PAPPA: variants seen among roughly 807,000 people sequenced by gnomAD.
PAPPA encodes pappalysin-1.
In PAPPA, 60 loss-of-function variants were observed where a neutral mutation model predicts 164.0. The ratio of observed to expected loss-of-function variants is 0.37; its 90% CI spans 0.30 to 0.45. PAPPA has a LOEUF of 0.45. Ranked by LOEUF, PAPPA falls within the 20% of genes least tolerant of loss-of-function variation. PAPPA has a pLI of 1.00. For synonymous variants in PAPPA, 875 were observed against 814.1 expected (o/e 1.07, Z -1.27); for missense variants, 1,782 against 2,087.3 (o/e 0.85, Z 2.85).
chr9:116,352,035 C>T (rs1057347673), intron 15 of PAPPA, among the ~76,000 whole-genome samples: 5 of 152,200 alleles, frequency 3.3e-5, no homozygotes, highest in African/African-American at 9.6e-5. Context: ...TTATTTGCAA[C>T]GTTCCCCATC....
rs977896698 is a variant in PAPPA at position 116,266,097 on chromosome 9, G to A, written c.2861+112G>A. The A allele has an allele frequency of 3.4e-6, 3 of 880,344 alleles. No homozygotes were observed. In the Admixed American group the frequency reaches 8.5e-5, roughly 25 times the overall value. The allele number at this position is 880,344 out of a possible 1,614,324, so 54.5% of individuals were successfully genotyped here. A position where few individuals can be genotyped will look rare whatever the true frequency, so the allele number is the denominator to read the frequency against. On this transcript the variant is annotated intron_variant, in intron 8 of 21. Coordinates refer to ENST00000328252, the MANE Select transcript of PAPPA (RefSeq NM_002581.5). Reference sequence around the variant, plus strand: ...ATATTCTTCAGTGCATGAGCTGTGAGCTACTAGTGGTCCCCAGCAGTCTCT... The same window carrying A: ...ATATTCTTCAGTGCATGAGCTGTGAACTACTAGTGGTCCCCAGCAGTCTCT...
Position 116,235,159 on chromosome 9 carries a change from C to T in PAPPA, c.2254C>T (p.Pro752Ser), listed in dbSNP as rs1457225088. The T allele has an allele frequency of 3.7e-6, 6 of 1,614,008 alleles. No individual in the cohort carries two copies. Among genetic ancestry groups the T allele is most frequent in the Non-Finnish European group, 5.1e-6 (6 of 1,179,996 alleles). The change falls in exon 7 of 22, where the codon CCC becomes TCC. Residue 752 changes from proline to serine, a missense_variant. By Grantham distance (74) the Pro-to-Ser change is moderately conservative (BLOSUM62 -1). Transcript: ENST00000328252. ...EAEGHPDVEQ[P>S]CKSSVRTWSP... ...CATAGGTCATCCTGATGTTGAACAGCCCTGTAAGTCCAGTGTCCGCACCTG... is the reference window on the plus strand; with the variant it reads ...CATAGGTCATCCTGATGTTGAACAGTCCTGTAAGTCCAGTGTCCGCACCTG...
At chr9:116,384,010 C>A (rs920586995) in intron 21 of PAPPA, among the ~76,000 whole-genome samples, 3 of 151,936 alleles carry the variant, frequency 2.0e-5, no homozygotes, top group African/African-American at 7.2e-5. Flanking sequence ...GTATTTTATT[C>A]TGTGAATTTT....
chr9:116,301,316 A>G (rs1845576856), intron 9 of PAPPA, among the ~76,000 whole-genome samples: 1 of 152,192 alleles, frequency 6.6e-6, no homozygotes, highest in African/African-American at 2.4e-5. Flanking sequence ...CTATATTTCA[A>G]GGAGCTCAGA....
intron 9 of PAPPA, among the ~76,000 whole-genome samples, chr9:116,296,365 C>T (rs992696681): frequency 7.2e-5 from 11 of 152,146 alleles, no homozygotes; most frequent in African/African-American, 2.4e-4. Flanking sequence ...AAAGATAAAT[C>T]CGTTGTTACC....
chr9:116,211,687 A>C lies in PAPPA; in HGVS notation c.1673A>C (p.His558Pro). ...PSFYGMPGHT[H>P]TMIHEIGHSL... ...TTCTATGGCATGCCTGGGCACACCC[A>C]CACCATGATCCATGAGATTGGTCAC... Residue 558 changes from histidine to proline, a missense_variant, in exon 4 of 22, where the codon CAC becomes CCC. His to Pro is a moderately conservative substitution (Grantham distance 77). Coordinates refer to ENST00000328252, the MANE Select transcript of PAPPA (RefSeq NM_002581.5). 6.2e-7 allele frequency: 1 copy of C among 1,614,108 alleles called. No homozygotes were observed. Among genetic ancestry groups the C allele is most frequent in the Non-Finnish European group, 8.5e-7 (1 of 1,180,004 alleles).
Position 116,401,282 on chromosome 9 carries a change from A to C in PAPPA, c.*4666A>C, listed in dbSNP as rs1847050375. The C allele has an allele frequency of 6.6e-6, 1 of 152,540 alleles. No individual in the cohort carries two copies. The allele number at this position is 152,540 out of a possible 1,614,324, so 9.4% of individuals were successfully genotyped here. ...TGTCGTCTACTTAAGACTTCTGGTC[A>C]TTTCCAACTTATAGAGGAAGGGAGT... On this transcript the variant is annotated 3_prime_UTR_variant, in exon 22 of 22. Transcript: ENST00000328252.
At chr9:116,261,515 G>A (rs1228584738) in intron 7 of PAPPA, among the ~76,000 whole-genome samples, 1 of 152,132 alleles carries the variant, frequency 6.6e-6, no homozygotes, top group South Asian at 2.1e-4. Flanking sequence ...ACAGACCCCC[G>A]CAAAATCACA....
intron 7 of PAPPA, among the ~76,000 whole-genome samples, chr9:116,236,324 C>T (rs1844665532): frequency 6.6e-6 from 1 of 152,072 alleles, no homozygotes; most frequent in African/African-American, 2.4e-5. Context: ...GTGGCTCACT[C>T]CTGTAATCTC....
intron 2 of PAPPA, among the ~76,000 whole-genome samples, chr9:116,202,103 C>G (rs935541504): frequency 6.6e-6 from 1 of 152,234 alleles, no homozygotes; most frequent in Non-Finnish European, 1.5e-5. Flanking sequence ...TCTGGGCTCA[C>G]TGTAAGCTGT....
chr9:116,303,612 A>G (rs1457702776), intron 10 of PAPPA, among the ~76,000 whole-genome samples: 1 of 152,062 alleles, frequency 6.6e-6, no homozygotes, highest in Admixed American at 6.5e-5. Flanking sequence ...TTATCCTACC[A>G]AGGAAGCACC....
intron 1 of PAPPA, among the ~76,000 whole-genome samples, chr9:116,168,196 A>C (rs1843736920): frequency 6.6e-6 from 1 of 152,196 alleles, no homozygotes; most frequent in African/African-American, 2.4e-5. Context: ...ATTCAATGAG[A>C]AATGAAAGTT....
At chr9:116,239,085 T>C (rs1844707293) in intron 7 of PAPPA, among the ~76,000 whole-genome samples, 2 of 152,234 alleles carry the variant, frequency 1.3e-5, no homozygotes, top group South Asian at 4.1e-4. Context: ...ACCTTTGTCT[T>C]CATTTTTTTT....
chr9:116,372,539 G>A (rs535136868), intron 19 of PAPPA, among the ~76,000 whole-genome samples: 4 of 152,202 alleles, frequency 2.6e-5, no homozygotes, highest in African/African-American at 9.6e-5. Flanking sequence ...TAGAATTCTG[G>A]GGTGGCAGCC....
chr9:116,165,722 C>CT (rs1339030596), intron 1 of PAPPA, among the ~76,000 whole-genome samples: 7 of 152,130 alleles, frequency 4.6e-5, no homozygotes, highest in Admixed American at 3.9e-4. Flanking sequence ...TTAATTATCA[C>CT]TTTTTTTACT....
At position 116,400,670 on chromosome 9, in the gene PAPPA, A is replaced by G. The variant is rs1423930924; in HGVS notation, c.*4054A>G. ...GAGTGAGTTTTGAGAAACAAATCAAACGAAGTAAACAAGAAACATAAAAAC... is the reference window on the plus strand; with the variant it reads ...GAGTGAGTTTTGAGAAACAAATCAAGCGAAGTAAACAAGAAACATAAAAAC... On this transcript the variant is annotated 3_prime_UTR_variant, in exon 22 of 22. Coordinates refer to ENST00000328252, the MANE Select transcript of PAPPA (RefSeq NM_002581.5). 1 of 152,224 alleles carries G rather than the reference A, an allele frequency of 6.6e-6. No homozygotes were observed. The highest frequency in any genetic ancestry group is 6.5e-5 in the Admixed American group (1 of 15,274). The allele number at this position is 152,224 out of a possible 1,614,324, so 9.4% of individuals were successfully genotyped here. A position where few individuals can be genotyped will look rare whatever the true frequency, so the allele number is the denominator to read the frequency against.
chr9:116,172,745 C>T (rs565484083), intron 1 of PAPPA, among the ~76,000 whole-genome samples: 1 of 152,296 alleles, frequency 6.6e-6, no homozygotes, highest in East Asian at 1.9e-4. Context: ...AGAGGAAATA[C>T]TAACCTGTCT....
At chr9:116,270,689 G>A (rs539697630) in intron 8 of PAPPA, among the ~76,000 whole-genome samples, 3 of 152,240 alleles carry the variant, frequency 2.0e-5, no homozygotes, top group South Asian at 2.1e-4. Context: ...TCATCCTTAG[G>A]TGGTGGAAAT....
rs552332193 is a variant in PAPPA, at chr9:116,376,137, C to G, written c.4606-1439C>G. 4.3e-3 allele frequency among the ~76,000 whole-genome samples: 656 copies of G among 151,876 alleles called. 2 individuals are homozygous for G. The highest frequency in any genetic ancestry group is 0.017 in the Middle Eastern group (5 of 294). On this transcript the variant is annotated intron_variant, in intron 19 of 21. Coordinates refer to ENST00000328252, the MANE Select transcript of PAPPA (RefSeq NM_002581.5). The stretch of plus-strand genomic sequence containing the variant: ...CCGGGTTCAAGCGATTCTCCTCCCT[C>G]AGCCTCCCAAGTAGCTGGGACTACA...
Sources: allele counts gnomAD v4.1 joint callset (sites outside exome capture counted in the v4.1 genomes callset), GRCh38; gene constraint gnomAD v4.1.1; transcripts MANE v1.5; gene names NCBI Gene and HGNC (gene_info 2026-07-23, HGNC 2026-07-21).